The following HSF2BP variants were observed in gnomAD, a reference collection of about 807,000 sequenced individuals.
HSF2BP encodes heat shock transcription factor 2 binding protein.
HSF2BP carries 35 observed loss-of-function variants against 35.0 expected under a neutral mutation model. That is an observed-to-expected ratio of 1.00 (90% CI 0.76 to 1.32). The LOEUF is 1.32. HSF2BP is among the 40% of genes most tolerant of loss of function. The probability of loss-of-function intolerance (pLI) is 0.00; values close to 1 mark genes in which losing one functional copy is unlikely to be tolerated. For missense variants in HSF2BP, 326 were observed against 321.7 expected (o/e 1.01, Z -0.10); for synonymous variants, 114 against 117.4 (o/e 0.97, Z 0.18).
chr21:43,507,272 T>C, the HSF2BP span, among the ~76,000 whole-genome samples: 9 of 114,824 alleles, frequency 7.8e-5, no homozygotes, highest in African/African-American at 2.5e-4. Context: ...TTTCTGTGGC[T>C]AGTGAGCTTT....
intron 6 of HSF2BP, among the ~76,000 whole-genome samples, chr21:43,619,367 A>G (rs2082306848): frequency 1.3e-5 from 2 of 152,348 alleles, no homozygotes; most frequent in South Asian, 2.1e-4. Context: ...GGCAACAAGG[A>G]GTTTCTAGTT....
chr21:43,658,091 G>C lies in HSF2BP; in HGVS notation c.6C>G (p.Gly2=). 6.5e-7 allele frequency: 1 copy of C among 1,534,484 alleles called. No individual in the cohort carries two copies. The highest frequency in any genetic ancestry group is 1.2e-5 in the South Asian group (1 of 83,788). ...AGGCCTCCTCAGCGGCGCCCGCTTCGCCCATGGCCGCTGCCGCCTCCGCTC... is the reference window on the plus strand; with the variant it reads ...AGGCCTCCTCAGCGGCGCCCGCTTCCCCCATGGCCGCTGCCGCCTCCGCTC... M[G]EAGAAEEACR... Residue 2 remains glycine, a synonymous_variant, in exon 2 of 9, where the codon GGC becomes GGG. Coordinates refer to ENST00000291560, the MANE Select transcript of HSF2BP (RefSeq NM_007031.2).
Position 43,655,531 on chromosome 21 carries a change from G to T in HSF2BP, c.187+1056C>A, listed in dbSNP as rs1036194225. ...AGCAAGAGCTAGGACTACGGAAGAGGCCTCTAGACAGGAGTCTCTGTTGTG... is the reference window on the plus strand; with the variant it reads ...AGCAAGAGCTAGGACTACGGAAGAGTCCTCTAGACAGGAGTCTCTGTTGTG... On this transcript the variant is annotated intron_variant, in intron 3 of 8. Transcript: ENST00000291560. Among the ~76,000 whole-genome samples, 37 of 152,318 alleles carry T rather than the reference G, an allele frequency of 2.4e-4. 1 individual carries two copies. Among genetic ancestry groups the T allele is most frequent in the Middle Eastern group, 3.4e-3 (1 of 294 alleles).
chr21:43,640,344 T>C (rs1436193535), intron 4 of HSF2BP, among the ~76,000 whole-genome samples: 3 of 152,202 alleles, frequency 2.0e-5, no homozygotes, highest in African/African-American at 7.2e-5. Context: ...CGTTATGACA[T>C]TCTTGAGATA....
intron 3 of HSF2BP, among the ~76,000 whole-genome samples, chr21:43,644,819 C>T (rs1005305425): frequency 8.5e-5 from 13 of 152,326 alleles, no homozygotes; most frequent in Non-Finnish European, 1.6e-4. Context: ...AAGCTAGTGT[C>T]ACCCACTGGC....
At chr21:43,606,085 A>C (rs2082131848) in intron 7 of HSF2BP, among the ~76,000 whole-genome samples, 1 of 152,196 alleles carries the variant, frequency 6.6e-6, no homozygotes, top group South Asian at 2.1e-4. Context: ...GGAAGAGCAG[A>C]GCAGGAAGTA....
intron 6 of HSF2BP, among the ~76,000 whole-genome samples, chr21:43,616,083 C>G (rs2082267375): frequency 1.3e-5 from 2 of 149,658 alleles, no homozygotes; most frequent in South Asian, 4.3e-4. Flanking sequence ...TAGCAAGCAA[C>G]ATAGAACTAT....
intron 3 of HSF2BP, among the ~76,000 whole-genome samples, 153 bp downstream of exon 3, chr21:43,656,434 G>A (rs1016939416): frequency 2.6e-5 from 4 of 152,156 alleles, no homozygotes; most frequent in Non-Finnish European, 5.9e-5. Flanking sequence ...CTACACTGAG[G>A]AAACCTCCCT....
At chr21:43,604,308 ACAAAC>A (rs2082089047) in intron 7 of HSF2BP, among the ~76,000 whole-genome samples, 1 of 146,216 alleles carries the variant, frequency 6.8e-6, no homozygotes, top group Non-Finnish European at 1.5e-5. Flanking sequence ...CACACCATGC[ACAAAC>A]CACAAACACA....
chr21:43,598,054 T>G (rs960014018), intron 7 of HSF2BP, among the ~76,000 whole-genome samples: 3 of 152,184 alleles, frequency 2.0e-5, no homozygotes, highest in African/African-American at 7.2e-5. Context: ...CAAACTAGTA[T>G]AGTAAGACTG....
At chr21:43,605,407 C>T (rs1321206912) in intron 7 of HSF2BP, among the ~76,000 whole-genome samples, 3 of 147,612 alleles carry the variant, frequency 2.0e-5, no homozygotes, top group African/African-American at 7.4e-5. Flanking sequence ...ACACATTCCC[C>T]ACACCACACA....
chr21:43,638,855 T>A (rs2082599319), intron 4 of HSF2BP, among the ~76,000 whole-genome samples: 1 of 152,212 alleles, frequency 6.6e-6, no homozygotes, highest in Non-Finnish European at 1.5e-5. Context: ...TTAGGGCAAC[T>A]CTGAAAAAGA....
At position 43,596,837 on chromosome 21, in the gene HSF2BP, G is replaced by A. The variant is rs563667724; in HGVS notation, c.693-4509C>T. Among the ~76,000 whole-genome samples the A allele has an allele frequency of 9.8e-4, 148 of 150,882 alleles. 2 individuals carry two copies. Among genetic ancestry groups the A allele is most frequent in the Middle Eastern group, 3.4e-3 (1 of 292 alleles). On this transcript the variant is annotated intron_variant, in intron 7 of 8. Transcript: ENST00000291560. ...GATGTCAAGGCTGCAGGGTTGTGAC[G>A]GTGCCAGCCACTGCACTCTGGCCTG... is the stretch of plus-strand genomic sequence containing the variant.
intron 6 of HSF2BP, among the ~76,000 whole-genome samples, chr21:43,620,116 T>A (rs919043370): frequency 6.6e-6 from 1 of 151,778 alleles, no homozygotes; most frequent in African/African-American, 2.4e-5. Context: ...AGTAAACATA[T>A]CCAATAAAAA....
intron 3 of HSF2BP, among the ~76,000 whole-genome samples, chr21:43,654,456 T>C (rs1176780254): frequency 2.0e-5 from 3 of 152,114 alleles, no homozygotes; most frequent in African/African-American, 4.8e-5. Context: ...TAGACACAGT[T>C]CTATTTTGCT....
At chr21:43,595,666 T>G (rs2081975737) in intron 7 of HSF2BP, among the ~76,000 whole-genome samples, 1 of 127,302 alleles carries the variant, frequency 7.9e-6, no homozygotes, top group South Asian at 2.8e-4. Context: ...TCAAAAATAA[T>G]AACTAAAAAT....
chr21:43,612,946 T>C (rs1397471086), intron 7 of HSF2BP, among the ~76,000 whole-genome samples: 1 of 152,206 alleles, frequency 6.6e-6, no homozygotes, highest in South Asian at 2.1e-4. Context: ...TATCACACGC[T>C]GATTATGTCA....
At chr21:43,627,583 T>C (rs1163595243) in intron 6 of HSF2BP, among the ~76,000 whole-genome samples, 1 of 152,176 alleles carries the variant, frequency 6.6e-6, no homozygotes, top group Non-Finnish European at 1.5e-5. Context: ...CCCAGAACTA[T>C]GGAATCAGAT....
chr21:43,583,247 AGGCCTGCTGAGGGAGATGAAG>A (rs1170572980), intron 8 of HSF2BP, among the ~76,000 whole-genome samples: 2 of 35,156 alleles, frequency 5.7e-5, no homozygotes, highest in Admixed American at 2.8e-4. Flanking sequence ...AAGGAGATGA[AGGCCTGCTGAGGGAGATGAAG>A]GGCCTGCTGA....
Sources: allele counts gnomAD v4.1 joint callset (sites outside exome capture counted in the v4.1 genomes callset), GRCh38; gene constraint gnomAD v4.1.1; transcripts MANE v1.5; gene names NCBI Gene and HGNC (gene_info 2026-07-23, HGNC 2026-07-21).